Variants in MEOX2 observed in about 807,000 individuals in gnomAD.
MEOX2 encodes mesenchyme homeobox 2, also known as homeobox protein MOX-2.
MEOX2 carries 11 observed loss-of-function variants against 27.0 expected under a neutral mutation model. The ratio of observed to expected loss-of-function variants is 0.41; its 90% CI spans 0.26 to 0.68. The LOEUF (loss-of-function observed/expected upper bound fraction) is 0.68, where lower values mean the gene tolerates loss of function less well. MEOX2 is among the 30% of genes least tolerant of loss of function. MEOX2 has a pLI of 0.33. For synonymous variants in MEOX2, 189 were observed against 155.4 expected (o/e 1.22, Z -1.61); for missense variants, 436 against 385.4 (o/e 1.13, Z -1.10).
intron 1 of MEOX2, among the ~76,000 whole-genome samples, chr7:15,631,298 A>G (rs1216401896): frequency 6.6e-6 from 1 of 151,406 alleles, no homozygotes; most frequent in Non-Finnish European, 1.5e-5. Flanking sequence ...CTTTTTCACT[A>G]TCTGTCCTCT....
chr7:15,649,319 G>C (rs1349905774), intron 1 of MEOX2, among the ~76,000 whole-genome samples: 1 of 152,004 alleles, frequency 6.6e-6, no homozygotes, highest in African/African-American at 2.4e-5. Flanking sequence ...TAAAAATAGT[G>C]TGCAGTAAGG....
intron 1 of MEOX2, among the ~76,000 whole-genome samples, chr7:15,627,896 A>T (rs1431836400): frequency 6.6e-6 from 1 of 151,892 alleles, no homozygotes; most frequent in Non-Finnish European, 1.5e-5. Context: ...AAATATCAAC[A>T]TAATCAAGAA....
intron 1 of MEOX2, among the ~76,000 whole-genome samples, chr7:15,640,479 G>A (rs1457756440): frequency 1.3e-5 from 2 of 152,094 alleles, no homozygotes; most frequent in African/African-American, 2.4e-5. Context: ...GTAAACAGAG[G>A]TAAATTGACT....
chr7:15,679,878 T>A (rs1431138860), intron 1 of MEOX2: 1 of 151,918 alleles, frequency 6.6e-6, no homozygotes, highest in African/African-American at 2.4e-5. Flanking sequence ...TTCTTGTGCA[T>A]ATGGTGATGT....
chr7:15,623,187 G>A (rs1233238797), intron 2 of MEOX2, among the ~76,000 whole-genome samples: 2 of 152,122 alleles, frequency 1.3e-5, no homozygotes, highest in African/African-American at 2.4e-5. Flanking sequence ...CCAACCTCCA[G>A]AAAATAAACT....
At chr7:15,642,310 TA>T (rs1166275975) in intron 1 of MEOX2, among the ~76,000 whole-genome samples, 4 of 152,166 alleles carry the variant, frequency 2.6e-5, no homozygotes, top group African/African-American at 9.6e-5. Flanking sequence ...GTTCATTTTT[TA>T]AAATTATTTT....
chr7:15,680,194 G>T, intron 1 of MEOX2: 1 of 151,798 alleles, frequency 6.6e-6, no homozygotes, highest in Middle Eastern at 3.4e-3. Context: ...ATAATGTCAA[G>T]AGATTTTAAA....
chr7:15,683,146 T>C (rs1782319210), intron 1 of MEOX2, among the ~76,000 whole-genome samples: 1 of 152,000 alleles, frequency 6.6e-6, no homozygotes, highest in Non-Finnish European at 1.5e-5. Flanking sequence ...AATTGTAAGG[T>C]TTATAAATAT....
chr7:15,617,454 G>A (rs1781141364), intron 2 of MEOX2, among the ~76,000 whole-genome samples: 1 of 151,960 alleles, frequency 6.6e-6, no homozygotes, highest in African/African-American at 2.4e-5. Flanking sequence ...TAACAAAGTA[G>A]CTGAACTACA....
chr7:15,671,908 A>G (rs908720907), intron 1 of MEOX2, among the ~76,000 whole-genome samples: 3 of 151,378 alleles, frequency 2.0e-5, no homozygotes, highest in Admixed American at 1.3e-4. Context: ...TATTAATAAT[A>G]CTAATCTCTA....
intron 1 of MEOX2, among the ~76,000 whole-genome samples, chr7:15,636,473 A>T (rs898645547): frequency 2.0e-5 from 3 of 152,096 alleles, no homozygotes; most frequent in Non-Finnish European, 4.4e-5. Context: ...TGACTGCGCT[A>T]GTGAAGTTAA....
At chr7:15,649,979 A>C (rs1013786854) in intron 1 of MEOX2, among the ~76,000 whole-genome samples, 1 of 152,076 alleles carries the variant, frequency 6.6e-6, no homozygotes, top group Non-Finnish European at 1.5e-5. Context: ...CCACAAAGCA[A>C]TTTGGTCCAA....
intron 1 of MEOX2, among the ~76,000 whole-genome samples, chr7:15,671,470 A>G (rs1385902063): frequency 6.6e-6 from 1 of 152,164 alleles, no homozygotes; most frequent in Non-Finnish European, 1.5e-5. Context: ...GCACAAGTAA[A>G]CTTATTGCAC....
Position 15,641,732 on chromosome 7 carries a change from C to T in MEOX2, c.518-14814G>A, listed in dbSNP as rs931377278. 3.9e-5 allele frequency among the ~76,000 whole-genome samples: 6 copies of T among 152,174 alleles called. No individual in the cohort carries two copies. The East Asian group carries it at 7.7e-4, about 20-fold the overall frequency. On this transcript the variant is annotated intron_variant, in intron 1 of 2. Transcript: ENST00000262041. ...TCTATAAACTTTGTATTTTCATTTG[C>T]TTTTGTCCTAGTAAGTTTTGTCCTT...
rs954524739 is a variant in MEOX2, at chr7:15,649,711, C to T, written c.518-22793G>A. On this transcript the variant is annotated intron_variant, in intron 1 of 2. Coordinates refer to ENST00000262041, the MANE Select transcript of MEOX2 (RefSeq NM_005924.5). ...CATGAATGAATGACAAGCTGAGGGACGAAGTTGAACATTTTTGAGCAGAAA... is the reference window on the plus strand; with the variant it reads ...CATGAATGAATGACAAGCTGAGGGATGAAGTTGAACATTTTTGAGCAGAAA... Among the ~76,000 whole-genome samples the T allele has an allele frequency of 2.0e-5, 3 of 151,952 alleles. No individual in the cohort carries two copies. The East Asian group carries it at 5.8e-4, about 29-fold the overall frequency.
intron 2 of MEOX2, among the ~76,000 whole-genome samples, chr7:15,622,109 T>C (rs1309313368): frequency 6.6e-6 from 1 of 152,168 alleles, no homozygotes; most frequent in Non-Finnish European, 1.5e-5. Flanking sequence ...AGAGCGAGAC[T>C]CTGTCTCAAA....
intron 1 of MEOX2, among the ~76,000 whole-genome samples, chr7:15,654,148 T>C (rs555123668): frequency 2.0e-4 from 30 of 152,136 alleles, no homozygotes; most frequent in Non-Finnish European, 3.2e-4. Flanking sequence ...ACCTAAGATA[T>C]TTCTGGTTGA....
chr7:15,645,363 G>C (rs1781624159), intron 1 of MEOX2, among the ~76,000 whole-genome samples: 1 of 152,094 alleles, frequency 6.6e-6, no homozygotes, highest in South Asian at 2.1e-4. Context: ...TGAAATAACA[G>C]CTATGACAAA....
At chr7:15,662,156 C>T (rs928335018) in intron 1 of MEOX2, among the ~76,000 whole-genome samples, 9 of 143,110 alleles carry the variant, frequency 6.3e-5, no homozygotes, top group Admixed American at 4.5e-4. Context: ...ACTACTACTG[C>T]TAGTTACATT....
Sources: allele counts gnomAD v4.1 joint callset (sites outside exome capture counted in the v4.1 genomes callset), GRCh38; gene constraint gnomAD v4.1.1; transcripts MANE v1.5; gene names NCBI Gene and HGNC (gene_info 2026-07-23, HGNC 2026-07-21).